DLX3: variants seen among roughly 807,000 people sequenced by gnomAD.
The protein encoded by DLX3 is homeobox protein DLX-3.
A neutral mutation model predicts 28.0 loss-of-function variants in DLX3; 9 were observed. The observed-to-expected ratio is 0.32, with a 90% CI of 0.19 to 0.56. DLX3 has a LOEUF of 0.56. Among genes scored for constraint, DLX3 ranks in the 20% least tolerant of loss-of-function variants. DLX3 has a pLI of 0.91. For missense variants in DLX3, 313 were observed against 378.2 expected (o/e 0.83, Z 1.43); for synonymous variants, 154 against 167.9 (o/e 0.92, Z 0.64).
intron 1 of DLX3, 136 bp from the exon 2 acceptor site, chr17:49,993,726 C>G: frequency 2.0e-6 from 2 of 1,016,164 alleles, no homozygotes; most frequent in Non-Finnish European, 2.7e-6. Context: ...GCGCGCTCCG[C>G]TGCCCGCGGC....
At position 49,993,532 on chromosome 17, in the gene DLX3, C is replaced by T. The variant is rs374786590; in HGVS notation, c.384G>A (p.Lys128=). The part of the protein sequence containing the change: ...EVRMVNGKPK[K]VRKPRTIYSS... ...AGTAGATCGTACGCGGCTTTCGGAC[C>T]TTCTTGGGCTTCCCATTCACCATGC... Residue 128 remains lysine, a synonymous_variant, in exon 2 of 3, where the codon AAG becomes AAA. Coordinates refer to ENST00000434704, the MANE Select transcript of DLX3 (RefSeq NM_005220.3). 84 of 1,613,620 alleles carry T rather than the reference C, an allele frequency of 5.2e-5. No individual in the cohort carries two copies. Among genetic ancestry groups the T allele is most frequent in the Non-Finnish European group, 7.0e-5 (83 of 1,179,740 alleles).
rs1906049531 is a variant in DLX3, at chr17:49,990,523, C to T, written c.*994G>A. The T allele has an allele frequency of 6.6e-6, 1 of 152,508 alleles. No homozygotes were observed. The highest frequency in any genetic ancestry group is 6.6e-5 in the Admixed American group (1 of 15,260). The allele number at this position is 152,508 out of a possible 1,614,324, so 9.4% of individuals were successfully genotyped here. A position where few individuals can be genotyped will look rare whatever the true frequency, so the allele number is the denominator to read the frequency against. On this transcript the variant is annotated 3_prime_UTR_variant, in exon 3 of 3. Coordinates refer to ENST00000434704, the MANE Select transcript of DLX3 (RefSeq NM_005220.3). The stretch of plus-strand genomic sequence containing the variant: ...TCCCATACACCTCACCCGACATTCT[C>T]CAGCTCGGAGCAATCTGTTTCCAAG...
Position 49,995,179 on chromosome 17 carries a change from G to T in DLX3, c.-181C>A. On this transcript the variant is annotated 5_prime_UTR_variant, in exon 1 of 3. Coordinates refer to ENST00000434704, the MANE Select transcript of DLX3 (RefSeq NM_005220.3). ...CTTACACCATTGCCTGCCGTCAGGC[G>T]GTCGCTGCGCGCCTCTCCTCGCGTC... 2 of 753,058 alleles carry T rather than the reference G, an allele frequency of 2.7e-6. No individual in the cohort carries two copies. Among genetic ancestry groups the T allele is most frequent in the Non-Finnish European group, 2.2e-6 (1 of 458,336 alleles). The allele number at this position is 753,058 out of a possible 1,614,324, so 46.6% of individuals were successfully genotyped here. A position where few individuals can be genotyped will look rare whatever the true frequency, so the allele number is the denominator to read the frequency against.
At chr17:49,992,902 A>G (rs1223273524) in intron 2 of DLX3, among the ~76,000 whole-genome samples, 1 of 152,190 alleles carries the variant, frequency 6.6e-6, no homozygotes, top group Non-Finnish European at 1.5e-5. Flanking sequence ...TGATGCAAGC[A>G]CACATTTCTG....
chr17:49,994,851 A>T lies in DLX3; in HGVS notation c.148T>A (p.Tyr50Asn), dbSNP rs765952812. The T allele has an allele frequency of 1.2e-5, 20 of 1,614,072 alleles. No individual in the cohort carries two copies. The highest frequency in any genetic ancestry group is 3.3e-5 in the South Asian group (3 of 91,088). The change falls in exon 1 of 3, where the codon TAC becomes AAC. Residue 50 changes from tyrosine to asparagine, a missense_variant. This residue lies in a region of DLX3 where 183 missense variants were observed against 197.7 expected (regional missense o/e 0.93). Coordinates refer to ENST00000434704, the MANE Select transcript of DLX3 (RefSeq NM_005220.3). ...LGYYSAPQHDYYSGQPYGQTV... is the reference protein window; with the variant it reads ...LGYYSAPQHDNYSGQPYGQTV... ...TGGCCATAGGGCTGGCCCGAGTAGT[A>T]ATCGTGCTGGGGAGCGCTGTAGTAG...
chr17:49,994,156 C>T (rs927107205), intron 1 of DLX3, among the ~76,000 whole-genome samples: 1 of 149,052 alleles, frequency 6.7e-6, no homozygotes, highest in African/African-American at 2.5e-5. Flanking sequence ...TCCATACTTC[C>T]CTCTTGCTGC....
chr17:49,991,622 G>T lies in DLX3; in HGVS notation c.759C>A (p.His253Gln). The T allele has an allele frequency of 1.2e-6, 2 of 1,613,736 alleles. No individual in the cohort carries two copies. Among genetic ancestry groups the T allele is most frequent in the Non-Finnish European group, 1.7e-6 (2 of 1,180,012 alleles). ...YLDDPTNSWYHAQNLSGPHLQ... is the reference protein window; with the variant it reads ...YLDDPTNSWYQAQNLSGPHLQ... ...AGTGGGGTCCACTCAGGTTCTGTGC[G>T]TGATACCAGGAGTTGGTGGGGTCGT... The change falls in exon 3 of 3, where the codon CAC (histidine) becomes CAA (glutamine). Residue 253 changes from histidine (H) to glutamine (Q), a missense_variant. Coordinates refer to ENST00000434704, the MANE Select transcript of DLX3 (RefSeq NM_005220.3).
rs1906094937 is a variant in DLX3, at chr17:49,991,666, C to T, written c.715G>A (p.Ala239Thr). 1 of 1,613,676 alleles carries T rather than the reference C, an allele frequency of 6.2e-7. No homozygotes were observed. Among genetic ancestry groups the T allele is most frequent in the South Asian group, 1.1e-5 (1 of 91,054 alleles). The part of the protein sequence containing the change: ...SQLPPPLPYS[A>T]SPSYLDDPTN... ...GGGTCGTCCAGGTAGCTGGGGGAGG[C>T]ACTGTATGGGAGCGGCGGGGGCAGC... The change falls in exon 3 of 3, where the codon GCC becomes ACC. Residue 239 changes from alanine to threonine, a missense_variant. Physicochemically the swap from Ala to Thr is moderately conservative, Grantham distance 58. Around this residue, in one of 3 missense-constraint regions of DLX3, gnomAD observed 120 missense variants for 145.4 expected, o/e 0.83. Transcript: ENST00000434704.
Position 49,991,672 on chromosome 17 carries a change from A to G in DLX3, c.709T>C (p.Tyr237His). 1 of 1,613,772 alleles carries G rather than the reference A, an allele frequency of 6.2e-7. No individual in the cohort carries two copies. The highest frequency in any genetic ancestry group is 8.5e-7 in the Non-Finnish European group (1 of 1,179,906). Residue 237 changes from tyrosine to histidine, a missense_variant, in exon 3 of 3, where the codon TAC becomes CAC. Transcript: ENST00000434704. ...TCCAGGTAGCTGGGGGAGGCACTGT[A>G]TGGGAGCGGCGGGGGCAGCTGACTG... ...ARSQLPPPLP[Y>H]SASPSYLDDP...
At chr17:49,992,444 G>A (rs1389803334) in intron 2 of DLX3, among the ~76,000 whole-genome samples, 3 of 152,088 alleles carry the variant, frequency 2.0e-5, no homozygotes, top group African/African-American at 7.2e-5. Context: ...GATACACCCA[G>A]ATAAGCACCC....
In DLX3 at chr17:49,993,690, A is replaced by G. The variant is rs1906181302; in HGVS notation, c.326-100T>C. ...CGCCGGACGCCCCTCGCTTCCGCCC[A>G]CCGACTCGCCGCGGGATTCCCGGCC... On this transcript the variant is annotated intron_variant, in intron 1 of 2. Transcript: ENST00000434704. 2.9e-6 allele frequency: 4 copies of G among 1,371,540 alleles called. No homozygotes were observed. The Admixed American group carries it at 6.9e-5, about 24-fold the overall frequency. The allele number at this position is 1,371,540 out of a possible 1,614,324, so 85.0% of individuals were successfully genotyped here. A position where few individuals can be genotyped will look rare whatever the true frequency, so the allele number is the denominator to read the frequency against.
chr17:49,994,572 T>C, intron 1 of DLX3, 102 bp downstream of exon 1: 1 of 1,364,012 alleles, frequency 7.3e-7, no homozygotes. Context: ...GACAGTACTT[T>C]TCTTAGAAGT....
In DLX3 at chr17:49,995,156, T is replaced by G; in HGVS notation, c.-158A>C. ...GGGGAGGGGGAGGCCGAGAGGCGCT[T>G]ACACCATTGCCTGCCGTCAGGCGGT... is the stretch of plus-strand genomic sequence containing the variant. On this transcript the variant is annotated 5_prime_UTR_variant, in exon 1 of 3. The change abolishes the stop of an existing upstream ORF in the 5' untranslated region. Coordinates refer to ENST00000434704, the MANE Select transcript of DLX3 (RefSeq NM_005220.3). 1.1e-6 allele frequency: 1 copy of G among 892,628 alleles called. No individual in the cohort carries two copies. The highest frequency in any genetic ancestry group is 1.8e-6 in the Non-Finnish European group (1 of 569,936). 55.3% of individuals were successfully genotyped at this position (892,628 alleles called of 1,614,324 possible). A position where few individuals can be genotyped will look rare whatever the true frequency, so the allele number is the denominator to read the frequency against.
chr17:49,994,395 AG>A (rs1463983022), intron 1 of DLX3, among the ~76,000 whole-genome samples: 2 of 151,916 alleles, frequency 1.3e-5, no homozygotes, highest in Non-Finnish European at 2.9e-5. Flanking sequence ...CTCGATTCGG[AG>A]GTTTCCTAAC....
chr17:49,992,681 C>T (rs1007776572), intron 2 of DLX3, among the ~76,000 whole-genome samples: 1 of 152,150 alleles, frequency 6.6e-6, no homozygotes, highest in Non-Finnish European at 1.5e-5. Flanking sequence ...TGGGGCCCCA[C>T]GCAGCCACAG....
Position 49,994,746 on chromosome 17 carries a change from C to T in DLX3, c.253G>A (p.Glu85Lys). The stretch of plus-strand genomic sequence containing the variant: ...CGGTAGGAGGCTCCGTAGGTATATT[C>T]CGACTTGGGCGAGTAAGCGCCCGTG... ...AGTGAYSPKS[E>K]YTYGASYRQY... is the part of the protein sequence containing the mutation. Residue 85 changes from glutamate to lysine, a missense_variant, in exon 1 of 3, where the codon GAA becomes AAA. Physicochemically the swap from Glu to Lys is moderately conservative, Grantham distance 56. This residue lies in a region of DLX3 where 183 missense variants were observed against 197.7 expected (regional missense o/e 0.93). Transcript: ENST00000434704. 1 of 1,614,244 alleles carries T rather than the reference C, an allele frequency of 6.2e-7. No homozygotes were observed. The highest frequency in any genetic ancestry group is 2.2e-5 in the East Asian group (1 of 44,874).
In DLX3 at chr17:49,991,883, G is replaced by C. The variant is rs374355448; in HGVS notation, c.517-19C>G. On this transcript the variant is annotated intron_variant, in intron 2 of 2. Coordinates refer to ENST00000434704, the MANE Select transcript of DLX3 (RefSeq NM_005220.3). Reference sequence around the variant, plus strand: ...TTTTCACCTGGGCCAGAGAAGAAAGGGGTAGCTAGTTAGCCTCTCAGAATG... The same window carrying C: ...TTTTCACCTGGGCCAGAGAAGAAAGCGGTAGCTAGTTAGCCTCTCAGAATG... 1.3e-4 allele frequency: 210 copies of C among 1,610,656 alleles called. No homozygotes were observed. The highest frequency in any genetic ancestry group is 1.7e-4 in the Non-Finnish European group (198 of 1,177,764).
intron 1 of DLX3, chr17:49,993,813 G>C (rs1045439293): frequency 3.5e-6 from 1 of 287,288 alleles, no homozygotes; most frequent in Non-Finnish European, 6.1e-6. Flanking sequence ...GCGCCCGGCC[G>C]CCGCAGCACT....
chr17:49,993,753 G>C (rs1009594687), intron 1 of DLX3, 163 bp from the exon 2 acceptor site: 1 of 684,372 alleles, frequency 1.5e-6, no homozygotes, highest in African/African-American at 2.0e-5. Flanking sequence ...GGGAGCCGCG[G>C]CCCCAGAGCC....
Sources: gnomAD v4.1 joint callset for allele counts (sites outside exome capture counted in the v4.1 genomes callset) on GRCh38, gnomAD v4.1.1 for gene constraint, gnomAD v4.1.1 regional missense constraint, MANE v1.5 for transcripts, NCBI Gene and HGNC (gene_info 2026-07-23, HGNC 2026-07-21) for gene names.